CDKL3: variants seen among roughly 807,000 people sequenced by gnomAD.
CDKL3 encodes cyclin dependent kinase like 3, also known as cyclin-dependent kinase-like 3.
In CDKL3, 65 loss-of-function variants were observed where a neutral mutation model predicts 69.3. The observed-to-expected ratio is 0.94, with a 90% CI of 0.77 to 1.15. The LOEUF (loss-of-function observed/expected upper bound fraction) is 1.15, where lower values mean the gene tolerates loss of function less well. CDKL3 is among the 50% of genes most tolerant of loss of function. The pLI, the probability that CDKL3 is intolerant of heterozygous loss-of-function variation, is 0.00. For missense variants in CDKL3, 652 were observed against 689.2 expected (o/e 0.95, Z 0.61); for synonymous variants, 202 against 221.6 (o/e 0.91, Z 0.79).
chr5:134,330,681 C>G (rs1170670574), intron 4 of CDKL3, among the ~76,000 whole-genome samples: 2 of 152,046 alleles, frequency 1.3e-5, no homozygotes, highest in Non-Finnish European at 1.5e-5. Flanking sequence ...CACAACTGCA[C>G]TCCAGTCTGG....
intron 4 of CDKL3, among the ~76,000 whole-genome samples, chr5:134,336,055 C>T (rs899716666): frequency 3.3e-5 from 5 of 152,110 alleles, no homozygotes; most frequent in Admixed American, 3.3e-4. Flanking sequence ...TGTCTTCTCG[C>T]TTTATTTCAT....
chr5:134,371,480 CG>C, upstream of CDKL3: 1 of 1,253,658 alleles, frequency 8.0e-7, no homozygotes. Context: ...GTCTCGGCGG[CG>C]GCGGCGGCGG....
At chr5:134,338,120 A>G (rs1777553906) in intron 4 of CDKL3, among the ~76,000 whole-genome samples, 1 of 152,204 alleles carries the variant, frequency 6.6e-6, no homozygotes, top group Non-Finnish European at 1.5e-5. Flanking sequence ...TTTGCTAATG[A>G]CATCAAAAAG....
chr5:134,343,305 C>T (rs921169884), intron 4 of CDKL3, among the ~76,000 whole-genome samples: 5 of 152,112 alleles, frequency 3.3e-5, no homozygotes, highest in African/African-American at 1.2e-4. Flanking sequence ...TATGAAACCA[C>T]CTTTGCAAAA....
intron 4 of CDKL3, among the ~76,000 whole-genome samples, chr5:134,336,218 TTCGTC>T (rs1777077806): frequency 6.6e-6 from 1 of 152,148 alleles, no homozygotes; most frequent in African/African-American, 2.4e-5. Flanking sequence ...TAGTTAGCCA[TTCGTC>T]TAACCTTTTT....
Position 134,366,368 on chromosome 5 carries a change from C to T in CDKL3, c.156G>A (p.Lys52=). The change falls in exon 2 of 13, where the codon AAG becomes AAA. Residue 52 remains lysine, a synonymous_variant. Coordinates refer to ENST00000265334, the MANE Select transcript of CDKL3 (RefSeq NM_001113575.2). ...SVNKIAMREI[K]FLKQFHHENL... is the part of the protein sequence containing the mutation. Reference sequence around the variant, plus strand: ...GGCAAAAGAAGCAAACCTTTAGAAACTTTATTTCTCTCATCGCAATTTTGT... The same window carrying T: ...GGCAAAAGAAGCAAACCTTTAGAAATTTTATTTCTCTCATCGCAATTTTGT... The T allele has an allele frequency of 1.1e-5, 17 of 1,565,470 alleles. No individual in the cohort carries two copies. Among genetic ancestry groups the T allele is most frequent in the Non-Finnish European group, 1.5e-5 (17 of 1,160,070 alleles).
At chr5:134,371,465 T>A, upstream of CDKL3, 1 of 1,185,480 alleles carries the variant, frequency 8.4e-7, no homozygotes, top group Non-Finnish European at 1.2e-6. Context: ...CAGGGTTGTT[T>A]GTCAGTCTCG....
intron 8 of CDKL3, among the ~76,000 whole-genome samples, chr5:134,290,592 A>G (rs1765086196): frequency 6.6e-6 from 1 of 152,140 alleles, no homozygotes; most frequent in Non-Finnish European, 1.5e-5. Flanking sequence ...GGAGAGGCAT[A>G]CTGTGTAGGG....
intron 4 of CDKL3, among the ~76,000 whole-genome samples, chr5:134,337,724 G>T (rs760999878): frequency 6.6e-6 from 1 of 152,132 alleles, no homozygotes; most frequent in African/African-American, 2.4e-5. Context: ...GGAAAATAAA[G>T]AACTTTTCAT....
intron 11 of CDKL3, among the ~76,000 whole-genome samples, chr5:134,304,129 A>G (rs1350991439): frequency 1.3e-5 from 2 of 151,872 alleles, no homozygotes; most frequent in Admixed American, 6.6e-5. Flanking sequence ...GGGTTTTGCT[A>G]TGTTGCCCAG....
intron 2 of CDKL3, among the ~76,000 whole-genome samples, chr5:134,363,404 C>A (rs1756536181): frequency 1.3e-5 from 2 of 151,734 alleles, no homozygotes; most frequent in South Asian, 4.2e-4. Context: ...AGTGATTCTC[C>A]TGCCTCAGCC....
Position 134,361,332 on chromosome 5 carries a change from T to C in CDKL3, c.166-1241A>G, listed in dbSNP as rs147020779. ...AACTCCTGGCCTCAAGTGATCTTCC[T>C]GCCTTGGCCTCCCAAGTTGCTAGGA... On this transcript the variant is annotated intron_variant, in intron 2 of 12. Transcript: ENST00000265334. Among the ~76,000 whole-genome samples, 69 of 151,998 alleles carry C rather than the reference T, an allele frequency of 4.5e-4. No individual in the cohort carries two copies. In the East Asian group the frequency reaches 0.012, roughly 26 times the overall value.
intron 11 of CDKL3, among the ~76,000 whole-genome samples, chr5:134,303,671 C>G (rs973859633): frequency 1.8e-5 from 2 of 108,878 alleles, no homozygotes; most frequent in South Asian, 5.4e-4. Context: ...TGGTGGAACC[C>G]CCCCCCCGTC....
intron 3 of CDKL3, among the ~76,000 whole-genome samples, chr5:134,353,613 G>A (rs560466201): frequency 1.0e-4 from 15 of 150,298 alleles, no homozygotes; most frequent in Non-Finnish European, 1.8e-4. Flanking sequence ...GTGCAGTGGC[G>A]CAATCTCGGC....
At chr5:134,290,888 C>T (rs539308830) in intron 8 of CDKL3, among the ~76,000 whole-genome samples, 1 of 152,036 alleles carries the variant, frequency 6.6e-6, no homozygotes, top group Non-Finnish European at 1.5e-5. Flanking sequence ...ACTGAAGAAA[C>T]TGAAGAACAA....
intron 5 of CDKL3, among the ~76,000 whole-genome samples, chr5:134,320,690 A>G (rs1561547039): frequency 6.6e-6 from 1 of 151,880 alleles, no homozygotes; most frequent in South Asian, 2.1e-4. Flanking sequence ...CCTGGCTAAC[A>G]CAGTGAAACC....
chr5:134,335,975 G>T (rs1446556675), intron 4 of CDKL3, among the ~76,000 whole-genome samples: 1 of 151,992 alleles, frequency 6.6e-6, no homozygotes, highest in Non-Finnish European at 1.5e-5. Flanking sequence ...ACGTAGATTT[G>T]GTCTTTTCAC....
At chr5:134,325,685 T>C (rs997614967) in intron 4 of CDKL3, among the ~76,000 whole-genome samples, 11 of 152,136 alleles carry the variant, frequency 7.2e-5, no homozygotes, top group Non-Finnish European at 1.6e-4. Context: ...TAAGTTTGCA[T>C]CTTTCTGATG....
chr5:134,359,821 T>A lies in CDKL3; in HGVS notation c.360+76A>T, dbSNP rs1755574267. 4 of 967,942 alleles carry A rather than the reference T, an allele frequency of 4.1e-6. No homozygotes were observed. The South Asian group carries it at 6.4e-5, about 16-fold the overall frequency. 60.0% of individuals were successfully genotyped at this position (967,942 alleles called of 1,614,324 possible). A position where few individuals can be genotyped will look rare whatever the true frequency, so the allele number is the denominator to read the frequency against. ...AGAAAAAGAATGTTAGCCACCTTCA[T>A]AAAAATAAAACAATGTATAAGGAGC... On this transcript the variant is annotated intron_variant, in intron 3 of 12. Transcript: ENST00000265334.
Sources: gnomAD v4.1 joint callset for allele counts (sites outside exome capture counted in the v4.1 genomes callset) on GRCh38, gnomAD v4.1.1 for gene constraint, MANE v1.5 for transcripts, NCBI Gene and HGNC (gene_info 2026-07-23, HGNC 2026-07-21) for gene names.